The following UNC13C variants were observed in gnomAD, a reference collection of about 807,000 sequenced individuals.
UNC13C encodes the protein unc-13 homolog C, also known as protein unc-13 homolog C.
Under a neutral mutation model 245.4 loss-of-function variants are expected in UNC13C, and 174 were observed. The observed-to-expected ratio is 0.71, with a 90% confidence interval of 0.63 to 0.80. The LOEUF is 0.80. UNC13C is among the 30% of genes least tolerant of loss of function. UNC13C has a pLI of 0.00. For missense variants in UNC13C, 2,829 were observed against 2,602.9 expected, an observed-to-expected ratio of 1.09 and a Z score of -1.89; for synonymous variants, 992 against 895.1, an observed-to-expected ratio of 1.11 and a Z score of -1.93.
chr15:53,997,283 G>C (rs1381003281), intron 1 of UNC13C, among the ~76,000 whole-genome samples: 1 of 151,912 alleles, frequency 6.6e-6, no homozygotes, highest in Non-Finnish European at 1.5e-5. Context: ...TTAATTTTTT[G>C]GGTTGGTGTG....
At chr15:54,421,877 A>G (rs1479096426) in intron 19 of UNC13C, among the ~76,000 whole-genome samples, 2 of 152,072 alleles carry the variant, frequency 1.3e-5, no homozygotes, top group East Asian at 1.9e-4. Flanking sequence ...TGCTTGCTCT[A>G]TGCCAGGCAT....
At chr15:54,235,200 T>C in intron 5 of UNC13C, 92 bp downstream of exon 5, 1 of 1,044,290 alleles carries the variant, frequency 9.6e-7, no homozygotes, top group South Asian at 1.4e-5. Flanking sequence ...GTCTAGCCTG[T>C]AAATATTCCA....
At chr15:54,142,919 A>T (rs547947699) in intron 2 of UNC13C, 99 bp from the exon 3 acceptor site, 26 of 1,031,996 alleles carry the variant, frequency 2.5e-5, no homozygotes, top group African/African-American at 2.4e-4. Flanking sequence ...ATTTTAAACA[A>T]TGTAACATAT....
At chr15:54,031,534 T>C (rs1014016496) in intron 2 of UNC13C, among the ~76,000 whole-genome samples, 3 of 152,180 alleles carry the variant, frequency 2.0e-5, no homozygotes, top group Non-Finnish European at 2.9e-5. Context: ...AGGCTGGGCT[T>C]GAAGGAATCA....
chr15:54,227,627 G>A (rs544667340), intron 4 of UNC13C, among the ~76,000 whole-genome samples: 11 of 152,328 alleles, frequency 7.2e-5, no homozygotes, highest in African/African-American at 2.6e-4. Context: ...TCCAGGCTTG[G>A]CTTCAGCCTT....
intron 4 of UNC13C, among the ~76,000 whole-genome samples, chr15:54,173,056 C>T (rs1302935107): frequency 1.3e-5 from 2 of 151,642 alleles, no homozygotes; most frequent in African/African-American, 4.8e-5. Flanking sequence ...ATGGATGAGC[C>T]AATTTCTGAA....
intron 2 of UNC13C, among the ~76,000 whole-genome samples, chr15:54,131,974 A>AG (rs1555420932): frequency 4.6e-5 from 7 of 152,094 alleles, no homozygotes; most frequent in Non-Finnish European, 1.0e-4. Flanking sequence ...ATGGCTGAAG[A>AG]GTTAGAGGAT....
At chr15:54,242,269 G>A (rs2035873635) in intron 7 of UNC13C, among the ~76,000 whole-genome samples, 1 of 152,052 alleles carries the variant, frequency 6.6e-6, no homozygotes, top group Non-Finnish European at 1.5e-5. Flanking sequence ...AAAACCACCT[G>A]AATATGGTAC....
At chr15:54,016,357 C>T (rs983042670) in intron 2 of UNC13C, among the ~76,000 whole-genome samples, 1 of 152,178 alleles carries the variant, frequency 6.6e-6, no homozygotes, top group South Asian at 2.1e-4. Context: ...ATTTTCCTAT[C>T]CATTCAACAA....
intron 1 of UNC13C, among the ~76,000 whole-genome samples, chr15:54,008,038 A>C (rs17633542): frequency 6.6e-6 from 1 of 152,208 alleles, no homozygotes; most frequent in African/African-American, 2.4e-5. Flanking sequence ...TAAGGAACAT[A>C]AAATTGTTTG....
At chr15:54,278,447 A>G (rs1200480590) in intron 10 of UNC13C, among the ~76,000 whole-genome samples, 1 of 152,118 alleles carries the variant, frequency 6.6e-6, no homozygotes, top group Non-Finnish European at 1.5e-5. Context: ...GAATTTCTGG[A>G]AAAGCATTCA....
chr15:54,508,121 A>G (rs1231451632), intron 23 of UNC13C, among the ~76,000 whole-genome samples: 2 of 152,042 alleles, frequency 1.3e-5, no homozygotes, highest in Non-Finnish European at 2.9e-5. Flanking sequence ...ACTTTTTGAC[A>G]ACTCAAACAA....
At position 54,235,107 on chromosome 15, in the gene UNC13C, T is replaced by A. The variant is rs1227123056; in HGVS notation, c.3149T>A (p.Val1050Glu). The A allele has an allele frequency of 6.8e-6, 11 of 1,613,654 alleles. No individual in the cohort carries two copies. Among genetic ancestry groups the A allele is most frequent in the Non-Finnish European group, 9.3e-6 (11 of 1,179,700 alleles). Residue 1050 changes from valine (V) to glutamate (E), a missense_variant and splice_region_variant, in exon 5 of 33, where the codon GTG becomes GAG. By Grantham distance (121) the Val-to-Glu change is moderately radical. Coordinates refer to ENST00000260323, the MANE Select transcript of UNC13C (RefSeq NM_001080534.3). Reference protein sequence around the residue: ...RKKTLPIVRDVAMTLAARKSG... With the variant: ...RKKTLPIVRDEAMTLAARKSG... ...AAAACTTTGCCTATTGTCCGAGATG[T>A]GGTAAGTTACAACTGTTTAATTCTC...
At chr15:54,028,119 CT>C (rs1326462401) in intron 2 of UNC13C, among the ~76,000 whole-genome samples, 1 of 152,158 alleles carries the variant, frequency 6.6e-6, no homozygotes, top group Non-Finnish European at 1.5e-5. Context: ...GGTGAACTTA[CT>C]GTAGTGAGTG....
At chr15:54,318,103 T>G (rs1428391487) in intron 13 of UNC13C, among the ~76,000 whole-genome samples, 1 of 151,976 alleles carries the variant, frequency 6.6e-6, no homozygotes, top group Non-Finnish European at 1.5e-5. Flanking sequence ...CTGATGTATA[T>G]AACCATATTT....
intron 4 of UNC13C, among the ~76,000 whole-genome samples, chr15:54,227,845 C>T (rs1347477579): frequency 6.6e-6 from 1 of 152,216 alleles, no homozygotes; most frequent in Non-Finnish European, 1.5e-5. Flanking sequence ...CTGTCAACCA[C>T]TGACTGGCTA....
the UNC13C span, among the ~76,000 whole-genome samples, chr15:53,889,829 G>C: frequency 6.6e-6 from 1 of 152,110 alleles, no homozygotes; most frequent in African/African-American, 2.4e-5. Flanking sequence ...TTTTGTCATT[G>C]GTTCTGTTTA....
chr15:54,204,783 A>G (rs2041990867), intron 4 of UNC13C, among the ~76,000 whole-genome samples: 2 of 151,976 alleles, frequency 1.3e-5, no homozygotes, highest in South Asian at 4.1e-4. Context: ...TCAGGATAGT[A>G]GTTAACTTTG....
intron 2 of UNC13C, chr15:54,051,006 A>G: frequency 2.3e-6 from 1 of 430,822 alleles, no homozygotes; most frequent in South Asian, 1.9e-5. Flanking sequence ...CCTGGTCACC[A>G]TAGTGACTTC....
Sources: allele counts gnomAD v4.1 joint callset (sites outside exome capture counted in the v4.1 genomes callset), GRCh38; gene constraint gnomAD v4.1.1; transcripts MANE v1.5; gene names NCBI Gene and HGNC (gene_info 2026-07-23, HGNC 2026-07-21).